The following NCOA1 variants were observed in gnomAD, a reference collection of about 807,000 sequenced individuals.
The protein encoded by NCOA1 is Hin-2 protein.
Under a neutral mutation model 150.9 loss-of-function variants are expected in NCOA1, and 35 were observed. The ratio of observed to expected loss-of-function variants is 0.23; its 90% CI spans 0.18 to 0.31. The LOEUF (loss-of-function observed/expected upper bound fraction) is 0.31, where lower values mean the gene tolerates loss of function less well. NCOA1 is among the 10% of genes least tolerant of loss of function. NCOA1 has a pLI of 1.00. For synonymous variants in NCOA1, 590 were observed against 630.0 expected, an observed-to-expected ratio of 0.94 and a Z score of 0.95; for missense variants, 1,491 against 1,749.3, an observed-to-expected ratio of 0.85 and a Z score of 2.63.
In NCOA1 at chr2:24,717,905, CT is replaced by C. The variant is rs34785770; in HGVS notation, c.2599+6811del. Among the ~76,000 whole-genome samples, 658 of 138,014 alleles carry C rather than the reference CT, an allele frequency of 4.8e-3. 4 individuals are homozygous for C. The highest frequency in any genetic ancestry group is 0.011 in the African/African-American group (426 of 37,538). 90.5% of individuals were successfully genotyped at this position (138,014 alleles called of 152,430 possible). A position where few individuals can be genotyped will look rare whatever the true frequency, so the allele number is the denominator to read the frequency against. ...CAGCATGTGAAAAGATGGTTAATAT[CT>C]TTTTTTTTTTTTTTTTGAGTCTCTC... On this transcript the variant is annotated intron_variant, in intron 14 of 22. Coordinates refer to ENST00000348332, the MANE Select transcript of NCOA1 (RefSeq NM_003743.5).
At chr2:24,682,112 A>G (rs1278423492) in intron 7 of NCOA1, among the ~76,000 whole-genome samples, 1 of 152,186 alleles carries the variant, frequency 6.6e-6, no homozygotes, top group Admixed American at 6.5e-5. Flanking sequence ...TGTATGATCC[A>G]AAGGATTTTT....
At chr2:24,681,109 A>T (rs1336049502) in intron 7 of NCOA1, among the ~76,000 whole-genome samples, 1 of 152,054 alleles carries the variant, frequency 6.6e-6, no homozygotes, top group Non-Finnish European at 1.5e-5. Flanking sequence ...CATGCCTGTA[A>T]TCCCAGCACT....
At chr2:24,620,000 CT>C (rs1321257637) in intron 3 of NCOA1, among the ~76,000 whole-genome samples, 1 of 152,098 alleles carries the variant, frequency 6.6e-6, no homozygotes, top group Non-Finnish European at 1.5e-5. Context: ...TCCTGACCTT[CT>C]CTCCCCAAAA....
At chr2:24,730,002 C>T (rs771165296) in intron 17 of NCOA1, among the ~76,000 whole-genome samples, 187 bp downstream of exon 17, 4 of 152,084 alleles carry the variant, frequency 2.6e-5, no homozygotes, top group Non-Finnish European at 2.9e-5. Flanking sequence ...TGTGCCACCA[C>T]TCCCAGGTAA....
intron 14 of NCOA1, among the ~76,000 whole-genome samples, chr2:24,721,586 C>A (rs908636124): frequency 5.3e-5 from 8 of 152,194 alleles, no homozygotes; most frequent in East Asian, 1.9e-4. Context: ...CCTAGCACCC[C>A]CTTTGGGAGA....
chr2:24,579,903 T>C (rs1371446874), intron 2 of NCOA1, among the ~76,000 whole-genome samples: 1 of 152,216 alleles, frequency 6.6e-6, no homozygotes, highest in African/African-American at 2.4e-5. Flanking sequence ...AACTCTTCAG[T>C]TGAAGATAAA....
At chr2:24,588,359 AGC>A (rs1667505592) in intron 3 of NCOA1, among the ~76,000 whole-genome samples, 1 of 152,168 alleles carries the variant, frequency 6.6e-6, no homozygotes, top group South Asian at 2.1e-4. Context: ...TACAACCGTG[AGC>A]TACTGTTCCT....
At chr2:24,589,891 A>G (rs56255609) in intron 3 of NCOA1, among the ~76,000 whole-genome samples, 438 of 152,138 alleles carry the variant, frequency 2.9e-3, no homozygotes, top group Non-Finnish European at 4.8e-3. Context: ...TAATCCCACA[A>G]TCCTTCATCC....
chr2:24,507,981 T>C (rs1035864140), intron 1 of NCOA1, among the ~76,000 whole-genome samples: 11 of 152,204 alleles, frequency 7.2e-5, no homozygotes, highest in Non-Finnish European at 1.2e-4. Context: ...CATTATAGCA[T>C]GTGCTCATAT....
At chr2:24,749,209 T>A (rs1394791123) in intron 19 of NCOA1, among the ~76,000 whole-genome samples, 2 of 152,198 alleles carry the variant, frequency 1.3e-5, no homozygotes, top group Non-Finnish European at 2.9e-5. Flanking sequence ...CAACAGTAGT[T>A]CTTGAGATTG....
chr2:24,634,881 T>C (rs1233636803), intron 3 of NCOA1, among the ~76,000 whole-genome samples: 1 of 152,060 alleles, frequency 6.6e-6, no homozygotes, highest in Non-Finnish European at 1.5e-5. Flanking sequence ...TTGCCCGGCT[T>C]ATTTTTAAAT....
intron 8 of NCOA1, among the ~76,000 whole-genome samples, chr2:24,689,129 A>T (rs902723808): frequency 6.6e-6 from 1 of 152,040 alleles, no homozygotes; most frequent in Non-Finnish European, 1.5e-5. Flanking sequence ...GTACCCCTGT[A>T]ATATAGTTTG....
chr2:24,624,311 T>C (rs1669305995), intron 3 of NCOA1, among the ~76,000 whole-genome samples: 2 of 152,320 alleles, frequency 1.3e-5, no homozygotes, highest in African/African-American at 2.4e-5. Flanking sequence ...ACCAAAAGAA[T>C]TTAAGAACTG....
At chr2:24,536,029 A>G (rs1159029770) in intron 1 of NCOA1, among the ~76,000 whole-genome samples, 1 of 152,168 alleles carries the variant, frequency 6.6e-6, no homozygotes, top group Non-Finnish European at 1.5e-5. Flanking sequence ...CTCCTGGATA[A>G]TATTCTAAAG....
intron 1 of NCOA1, among the ~76,000 whole-genome samples, chr2:24,498,626 G>A (rs1012906444): frequency 6.6e-6 from 1 of 152,180 alleles, no homozygotes; most frequent in African/African-American, 2.4e-5. Flanking sequence ...TAGCAAAGAT[G>A]AAAAGACGGA....
chr2:24,721,879 TGTG>T (rs1334745981), intron 14 of NCOA1, among the ~76,000 whole-genome samples: 1 of 152,258 alleles, frequency 6.6e-6, no homozygotes, highest in Non-Finnish European at 1.5e-5. Context: ...TGTTTCCATT[TGTG>T]TTTTGTCTTT....
chr2:24,500,342 G>T (rs1002815432), intron 1 of NCOA1, among the ~76,000 whole-genome samples: 1 of 151,996 alleles, frequency 6.6e-6, no homozygotes, highest in African/African-American at 2.4e-5. Flanking sequence ...TCCCAACCTC[G>T]GGTGATCCGC....
intron 14 of NCOA1, among the ~76,000 whole-genome samples, chr2:24,720,416 G>T (rs1674297729): frequency 1.3e-5 from 2 of 152,224 alleles, no homozygotes; most frequent in South Asian, 4.1e-4. Flanking sequence ...GTCATAGTCT[G>T]TATTGAGGCA....
intron 14 of NCOA1, among the ~76,000 whole-genome samples, chr2:24,724,894 G>T (rs1052049416): frequency 6.6e-6 from 1 of 151,876 alleles, no homozygotes; most frequent in African/African-American, 2.4e-5. Flanking sequence ...GAAAGTAAGT[G>T]ATTATTTCCC....
Sources: gnomAD v4.1 joint callset for allele counts (sites outside exome capture counted in the v4.1 genomes callset) on GRCh38, gnomAD v4.1.1 for gene constraint, MANE v1.5 for transcripts, NCBI Gene and HGNC (gene_info 2026-07-23, HGNC 2026-07-21) for gene names.